BST1: variants seen among roughly 807,000 people sequenced by gnomAD.
BST1 encodes the protein ADP-ribosyl cyclase/cyclic ADP-ribose hydrolase 2.
BST1 carries 49 observed loss-of-function variants against 40.6 expected under a neutral mutation model. That is an observed-to-expected ratio of 1.21 (90% CI 0.96 to 1.53). The LOEUF (loss-of-function observed/expected upper bound fraction) is 1.53. BST1 is among the 40% of genes most tolerant of loss of function. BST1 has a pLI of 0.00. For missense variants in BST1, 423 were observed against 395.9 expected, an observed-to-expected ratio of 1.07 and a Z score of -0.58; for synonymous variants, 157 against 159.3, an observed-to-expected ratio of 0.99 and a Z score of 0.11.
chr4:15,766,473 C>T, the BST1 span, among the ~76,000 whole-genome samples: 1 of 151,942 alleles, frequency 6.6e-6, no homozygotes, highest in East Asian at 1.9e-4. Context: ...GAATGAAGGG[C>T]AGGCAGCCCA....
rs751914771 is a variant in BST1 at position 15,711,100 on chromosome 4, A to G, written c.452-707A>G. On this transcript the variant is annotated intron_variant, in intron 3 of 8. Coordinates refer to ENST00000265016, the MANE Select transcript of BST1 (RefSeq NM_004334.3). ...CCACTGTGCCCAGTCTATTTTATCT[A>G]TTAATCAGTTGATGGACACAGATTG... Among the ~76,000 whole-genome samples the G allele has an allele frequency of 1.6e-4, 25 of 152,162 alleles. 1 individual carries two copies. The highest frequency in any genetic ancestry group is 2.6e-4 in the Non-Finnish European group (18 of 68,022).
At chr4:15,740,935 G>A (rs901712001), downstream of BST1, among the ~76,000 whole-genome samples, 5 of 151,926 alleles carry the variant, frequency 3.3e-5, no homozygotes, top group South Asian at 2.1e-4. Context: ...ACTCAACTCC[G>A]TGGTTCGTGA....
intron 8 of BST1, among the ~76,000 whole-genome samples, chr4:15,728,473 A>C (rs1721224832): frequency 7.7e-6 from 1 of 129,496 alleles, no homozygotes. Flanking sequence ...TTTTTTGGAG[A>C]CAGGTTATCG....
At chr4:15,704,542 GTGTGTGTGGTC>G in intron 1 of BST1, among the ~76,000 whole-genome samples, 1 of 150,092 alleles carries the variant, frequency 6.7e-6, no homozygotes, top group Non-Finnish European at 1.5e-5. Flanking sequence ...GGTGAGGGAT[GTGTGTGTGGTC>G]TAGAGGTGAG....
chr4:15,771,403 T>C, the BST1 span, among the ~76,000 whole-genome samples: 1 of 152,330 alleles, frequency 6.6e-6, no homozygotes, highest in African/African-American at 2.4e-5. Context: ...GTGTTAGACG[T>C]TTGTAGCCAA....
chr4:15,750,428 A>G, the BST1 span, among the ~76,000 whole-genome samples: 6 of 152,206 alleles, frequency 3.9e-5, no homozygotes, highest in Non-Finnish European at 7.3e-5. Flanking sequence ...TTGGCAATTC[A>G]TTCCCATCCC....
At chr4:15,727,217 C>G (rs1351899289) in intron 8 of BST1, among the ~76,000 whole-genome samples, 2 of 152,156 alleles carry the variant, frequency 1.3e-5, no homozygotes, top group African/African-American at 4.8e-5. Context: ...TTCTTCCTAC[C>G]ACACCACACT....
chr4:15,767,519 G>A, the BST1 span, among the ~76,000 whole-genome samples: 1 of 151,812 alleles, frequency 6.6e-6, no homozygotes, highest in African/African-American at 2.4e-5. Context: ...TGGCCAGGAT[G>A]GTCTCGATCT....
chr4:15,772,509 G>T, the BST1 span, among the ~76,000 whole-genome samples: 2 of 152,160 alleles, frequency 1.3e-5, no homozygotes, highest in African/African-American at 4.8e-5. Flanking sequence ...TTCAATTGCT[G>T]CCAACCTAGC....
chr4:15,729,775 C>T lies in BST1; in HGVS notation c.852-1965C>T, dbSNP rs148744015. ...AGAAACCAATGCACAGAACATGAACCGAGACATGTAAACCAGAAGAAAGCA... is the reference window on the plus strand; with the variant it reads ...AGAAACCAATGCACAGAACATGAACTGAGACATGTAAACCAGAAGAAAGCA... On this transcript the variant is annotated intron_variant, in intron 8 of 8. Transcript: ENST00000265016. 1.3e-4 allele frequency among the ~76,000 whole-genome samples: 19 copies of T among 151,992 alleles called. No homozygotes were observed. In the East Asian group the frequency reaches 3.3e-3, roughly 26 times the overall value.
Position 15,732,206 on chromosome 4 carries a change from C to A in BST1, c.*361C>A, listed in dbSNP as rs1560289310. 2.4e-6 allele frequency: 2 copies of A among 843,178 alleles called. No individual in the cohort carries two copies. The highest frequency in any genetic ancestry group is 2.9e-6 in the Non-Finnish European group (2 of 683,408). The allele number at this position is 843,178 out of a possible 1,614,324, so 52.2% of individuals were successfully genotyped here. On this transcript the variant is annotated 3_prime_UTR_variant, in exon 9 of 9. Transcript: ENST00000265016. ...TTTCCTATATCTCCAGCAGCACGGA[C>A]ACTGCATGCTTGTTGATTGCTTAAG... is the stretch of plus-strand genomic sequence containing the variant.
chr4:15,761,206 G>A, the BST1 span, among the ~76,000 whole-genome samples: 24,392 of 151,622 alleles, frequency 0.16, 2,148 homozygotes, highest in South Asian at 0.26. Context: ...CACCATGCCC[G>A]GCTAATTTTC....
At chr4:15,763,724 A>C in the BST1 span, among the ~76,000 whole-genome samples, 25 of 152,010 alleles carry the variant, frequency 1.6e-4, no homozygotes, top group African/African-American at 5.6e-4. Context: ...AGACAAATGA[A>C]TATTATTCAG....
chr4:15,708,868 G>A (rs1720034834), intron 3 of BST1, among the ~76,000 whole-genome samples: 1 of 152,118 alleles, frequency 6.6e-6, no homozygotes, highest in South Asian at 2.1e-4. Context: ...ATGACAGAGT[G>A]AGACTCGGCA....
intron 6 of BST1, among the ~76,000 whole-genome samples, chr4:15,716,179 T>G (rs1720505707): frequency 6.6e-6 from 1 of 152,210 alleles, no homozygotes; most frequent in African/African-American, 2.4e-5. Flanking sequence ...GACTCTATAA[T>G]TAAGACGTCA....
intron 7 of BST1, among the ~76,000 whole-genome samples, chr4:15,719,912 C>T (rs1720721491): frequency 6.6e-6 from 1 of 152,220 alleles, no homozygotes; most frequent in Non-Finnish European, 1.5e-5. Context: ...AAATTATTGC[C>T]AGTGCTCTCA....
At chr4:15,725,518 C>G (rs372379024) in intron 8 of BST1, among the ~76,000 whole-genome samples, 1 of 152,148 alleles carries the variant, frequency 6.6e-6, no homozygotes, top group African/African-American at 2.4e-5. Flanking sequence ...GAAGTCCACC[C>G]TCATGTCGCT....
the BST1 span, among the ~76,000 whole-genome samples, chr4:15,765,856 C>G: frequency 5.3e-5 from 8 of 152,078 alleles, no homozygotes; most frequent in East Asian, 1.9e-4. Context: ...TCATCATCAC[C>G]TCGCATGTGC....
chr4:15,707,655 C>G lies in BST1; in HGVS notation c.451+9C>G. ...ACAGAAAAATGACTCTGGTAAGACT[C>G]CTGCACAAATCACAGGAGACTTAAG... On this transcript the variant is annotated intron_variant, in intron 3 of 8. Coordinates refer to ENST00000265016, the MANE Select transcript of BST1 (RefSeq NM_004334.3). 1 of 1,613,608 alleles carries G rather than the reference C, an allele frequency of 6.2e-7. No homozygotes were observed. Among genetic ancestry groups the G allele is most frequent in the Non-Finnish European group, 8.5e-7 (1 of 1,179,866 alleles).
Sources: gnomAD v4.1 joint callset for allele counts (sites outside exome capture counted in the v4.1 genomes callset) on GRCh38, gnomAD v4.1.1 for gene constraint, MANE v1.5 for transcripts, NCBI Gene and HGNC (gene_info 2026-07-23, HGNC 2026-07-21) for gene names.